FAM76A: variants seen among roughly 807,000 people sequenced by gnomAD.
FAM76A encodes the protein family with sequence similarity 76 member A.
Under a neutral mutation model 46.2 loss-of-function variants are expected in FAM76A, and 32 were observed. The observed-to-expected ratio is 0.69, with a 90% CI of 0.52 to 0.93. The LOEUF is 0.93. Among genes scored for constraint, FAM76A ranks in the 40% least tolerant of loss-of-function variants. The pLI is 0.00. For synonymous variants in FAM76A, 137 were observed against 127.0 expected, an observed-to-expected ratio of 1.08 and a Z score of -0.53; for missense variants, 274 against 361.5, an observed-to-expected ratio of 0.76 and a Z score of 1.96.
At chr1:27,745,653 G>A (rs181671469) in intron 5 of FAM76A, among the ~76,000 whole-genome samples, 4 of 152,278 alleles carry the variant, frequency 2.6e-5, no homozygotes, top group East Asian at 3.9e-4. Flanking sequence ...CAGTGGAAAC[G>A]TGTCAAGAAT....
intron 5 of FAM76A, among the ~76,000 whole-genome samples, chr1:27,747,811 T>C (rs1296754335): frequency 1.3e-5 from 2 of 152,004 alleles, no homozygotes; most frequent in Admixed American, 6.6e-5. Flanking sequence ...TCCCAGCTAT[T>C]CGGGAGGCTG....
At chr1:27,740,525 A>C in intron 4 of FAM76A, 1 of 1,373,484 alleles carries the variant, frequency 7.3e-7, no homozygotes, top group Non-Finnish European at 1.0e-6. Flanking sequence ...TAACATGATT[A>C]TGTCTGGAAG....
intron 7 of FAM76A, 113 bp downstream of exon 7, chr1:27,755,443 T>C (rs1407658935): frequency 9.4e-6 from 13 of 1,379,642 alleles, no homozygotes; most frequent in Admixed American, 3.5e-5. Flanking sequence ...TATGTCAAGG[T>C]TGGGATATCC....
chr1:27,738,288 G>A (rs529370470), intron 4 of FAM76A, among the ~76,000 whole-genome samples: 4 of 151,910 alleles, frequency 2.6e-5, no homozygotes, highest in East Asian at 3.9e-4. Context: ...TCAGGAGTTC[G>A]AGATCAGCCT....
chr1:27,744,825 A>G lies in FAM76A; in HGVS notation c.512+14A>G, dbSNP rs1356071238. 1.2e-6 allele frequency: 2 copies of G among 1,610,706 alleles called. No homozygotes were observed. Among genetic ancestry groups the G allele is most frequent in the African/African-American group, 1.3e-5 (1 of 74,882 alleles). ...CCATTATAACAGGTAACCTCAAGAC[A>G]CATGAGATGGGACTAGAAGTGCTGG... is the stretch of plus-strand genomic sequence containing the variant. On this transcript the variant is annotated intron_variant, in intron 5 of 8. Coordinates refer to ENST00000373954, the MANE Select transcript of FAM76A (RefSeq NM_152660.3).
At chr1:27,747,452 C>T (rs536452112) in intron 5 of FAM76A, among the ~76,000 whole-genome samples, 1 of 152,300 alleles carries the variant, frequency 6.6e-6, no homozygotes, top group East Asian at 1.9e-4. Context: ...TCTGAGGAAT[C>T]CTTTGAACTT....
intron 6 of FAM76A, among the ~76,000 whole-genome samples, chr1:27,749,465 T>C (rs145033699): frequency 6.6e-6 from 1 of 152,292 alleles, no homozygotes; most frequent in East Asian, 1.9e-4. Flanking sequence ...TCTCCTGGGT[T>C]CGAGCAATTC....
At chr1:27,759,730 C>A in intron 8 of FAM76A, 103 bp downstream of exon 8, 8 of 733,522 alleles carry the variant, frequency 1.1e-5, no homozygotes, top group Non-Finnish European at 1.7e-5. Flanking sequence ...TTTTTTTTCT[C>A]AAAGTATTAA....
At chr1:27,759,886 C>A (rs2148589580) in intron 8 of FAM76A, 3 of 542,982 alleles carry the variant, frequency 5.5e-6, no homozygotes, top group Non-Finnish European at 1.0e-5. Context: ...TCCCACCTCA[C>A]CCTTCCAAGT....
At chr1:27,734,714 G>A (rs966433253) in intron 4 of FAM76A, among the ~76,000 whole-genome samples, 29 of 152,188 alleles carry the variant, frequency 1.9e-4, no homozygotes, top group Non-Finnish European at 4.1e-4. Context: ...CAGTGATCAC[G>A]TAAGTGAAAT....
intron 7 of FAM76A, among the ~76,000 whole-genome samples, chr1:27,758,633 C>A (rs1410655217): frequency 1.3e-5 from 2 of 151,482 alleles, no homozygotes; most frequent in African/African-American, 4.9e-5. Flanking sequence ...CTCTAAATAG[C>A]TGGGACTGCA....
intron 1 of FAM76A, 131 bp downstream of exon 1, chr1:27,726,292 A>C: frequency 1.3e-6 from 1 of 780,984 alleles, no homozygotes; most frequent in Non-Finnish European, 1.7e-6. Flanking sequence ...GAGGAGCCGC[A>C]CCCACCCCGC....
At chr1:27,748,639 G>A (rs2088284906) in intron 5 of FAM76A, among the ~76,000 whole-genome samples, 1 of 150,430 alleles carries the variant, frequency 6.6e-6, no homozygotes, top group African/African-American at 2.4e-5. Context: ...CCGCCACCTC[G>A]CCTGGCTAAT....
rs2088523050 is a variant in FAM76A at position 27,762,325 on chromosome 1, T to C, written c.*1744T>C. The C allele has an allele frequency of 6.6e-6, 1 of 152,166 alleles. No homozygotes were observed. The allele number at this position is 152,166 out of a possible 1,614,324, so 9.4% of individuals were successfully genotyped here. A position where few individuals can be genotyped will look rare whatever the true frequency, so the allele number is the denominator to read the frequency against. On this transcript the variant is annotated 3_prime_UTR_variant, in exon 9 of 9. Coordinates refer to ENST00000373954, the MANE Select transcript of FAM76A (RefSeq NM_152660.3). ...GAATTAGGGTGTGTCATGTGTGCCA[T>C]GAAACAACAAAACCAACTACCCTAG...
At chr1:27,753,752 T>C (rs1372578697) in intron 6 of FAM76A, among the ~76,000 whole-genome samples, 1 of 152,202 alleles carries the variant, frequency 6.6e-6, no homozygotes, top group Admixed American at 6.5e-5. Context: ...TTTCTTCCTG[T>C]GTAGAGAAAT....
chr1:27,730,634 AG>A (rs2087941735), intron 2 of FAM76A, among the ~76,000 whole-genome samples: 2 of 152,326 alleles, frequency 1.3e-5, no homozygotes, highest in African/African-American at 4.8e-5. Context: ...CTCTTTCTAG[AG>A]ATTTCTTTGA....
Position 27,755,281 on chromosome 1 carries a change from A to G in FAM76A, c.686A>G (p.Lys229Arg), listed in dbSNP as rs749204740. 6.2e-7 allele frequency: 1 copy of G among 1,614,236 alleles called. No individual in the cohort carries two copies. The highest frequency in any genetic ancestry group is 1.7e-5 in the Admixed American group (1 of 60,014). ...CTGAAGGAAGAAGTGGCTACCCTGAAGAAGATGTTGCATCAAAAGGATCAA... is the reference window on the plus strand; with the variant it reads ...CTGAAGGAAGAAGTGGCTACCCTGAGGAAGATGTTGCATCAAAAGGATCAA... Reference protein sequence around the residue: ...AQLKEEVATLKKMLHQKDQMI... With the variant: ...AQLKEEVATLRKMLHQKDQMI... The change falls in exon 7 of 9, where the codon AAG (lysine) becomes AGG (arginine). Residue 229 changes from lysine (K) to arginine (R), a missense_variant. Lys to Arg is a conservative substitution (Grantham distance 26). Coordinates refer to ENST00000373954, the MANE Select transcript of FAM76A (RefSeq NM_152660.3).
chr1:27,759,807 G>T (rs77213753), intron 8 of FAM76A, 180 bp downstream of exon 8: 4 of 512,404 alleles, frequency 7.8e-6, no homozygotes, highest in Non-Finnish European at 9.9e-6. Flanking sequence ...GTTCTCTGTC[G>T]CCTAGGCTGG....
chr1:27,727,800 A>ATT (rs10716346), intron 2 of FAM76A, among the ~76,000 whole-genome samples: 117 of 64,486 alleles, frequency 1.8e-3, no homozygotes, highest in Non-Finnish European at 2.8e-3. Flanking sequence ...GATTGCTTAA[A>ATT]TTTTTTTTTT....
Sources: allele counts gnomAD v4.1 joint callset (sites outside exome capture counted in the v4.1 genomes callset), GRCh38; gene constraint gnomAD v4.1.1; transcripts MANE v1.5; gene names NCBI Gene and HGNC (gene_info 2026-07-23, HGNC 2026-07-21).